Variants in BTRC observed in about 807,000 individuals in gnomAD.
BTRC encodes beta-transducin repeat containing E3 ubiquitin protein ligase, also known as F-box/WD repeat-containing protein 1A.
A neutral mutation model predicts 85.5 loss-of-function variants in BTRC; 42 were observed. The ratio of observed to expected loss-of-function variants is 0.49; its 90% CI spans 0.38 to 0.64. The LOEUF (loss-of-function observed/expected upper bound fraction) is 0.64, where lower values mean the gene tolerates loss of function less well. Among genes scored for constraint, BTRC ranks in the 30% least tolerant of loss-of-function variants. The pLI is 0.00. For missense variants in BTRC, 594 were observed against 743.5 expected, an observed-to-expected ratio of 0.80 and a Z score of 2.34; for synonymous variants, 255 against 263.3, an observed-to-expected ratio of 0.97 and a Z score of 0.30.
chr10:101,423,969 C>G (rs1055131002), intron 1 of BTRC, among the ~76,000 whole-genome samples: 1 of 152,146 alleles, frequency 6.6e-6, no homozygotes, highest in Non-Finnish European at 1.5e-5. Flanking sequence ...GTGGCTCGTG[C>G]CTGTAATCCC....
chr10:101,451,984 G>A (rs1047279320), intron 2 of BTRC, among the ~76,000 whole-genome samples: 1 of 152,120 alleles, frequency 6.6e-6, no homozygotes, highest in Non-Finnish European at 1.5e-5. Flanking sequence ...GAGTTGTCAC[G>A]AGTTCATAAA....
chr10:101,546,342 A>G (rs2134462629), intron 13 of BTRC, among the ~76,000 whole-genome samples: 1 of 152,386 alleles, frequency 6.6e-6, no homozygotes, highest in East Asian at 1.9e-4. Flanking sequence ...TGTGGAGATT[A>G]AACAACACAC....
rs186087037 is a variant in BTRC, at chr10:101,388,044, G to A, written c.48+33816G>A. Among the ~76,000 whole-genome samples, 124 of 152,202 alleles carry A rather than the reference G, an allele frequency of 8.1e-4. No homozygotes were observed. The South Asian group carries it at 0.017, about 21-fold the overall frequency. The stretch of plus-strand genomic sequence containing the variant: ...GTTCAAAAGCAACAAATATCTAAAG[G>A]CAAAAATATACTAAACCTATTGGGA... On this transcript the variant is annotated intron_variant, in intron 1 of 14. Coordinates refer to ENST00000370187, the MANE Select transcript of BTRC (RefSeq NM_033637.4).
chr10:101,465,587 T>A (rs12242432), intron 3 of BTRC, among the ~76,000 whole-genome samples: 1 of 152,144 alleles, frequency 6.6e-6, no homozygotes, highest in South Asian at 2.1e-4. Context: ...TCAACAAATA[T>A]TTAAGGAAGA....
At chr10:101,417,197 C>G (rs1943969051) in intron 1 of BTRC, among the ~76,000 whole-genome samples, 1 of 152,150 alleles carries the variant, frequency 6.6e-6, no homozygotes, top group African/African-American at 2.4e-5. Context: ...TCAAGTTTCT[C>G]TAGTAATCTC....
chr10:101,442,262 A>ATCTCTCTCTCTCTCTCTCTCTCTCTC (rs10531761), intron 2 of BTRC, among the ~76,000 whole-genome samples: 45 of 129,546 alleles, frequency 3.5e-4, no homozygotes, highest in Admixed American at 8.8e-4. Context: ...TTGAATTAGA[A>ATCTCTCTCTCTCTCTCTCTCTCTCTC]TCTCTCTCTC....
rs1045324 is a variant in BTRC, at chr10:101,553,863, A to G, written c.*740A>G. The stretch of plus-strand genomic sequence containing the variant: ...TGTACGAAGAGAGTGTCCTCCTCTC[A>G]CATGAGCCAGATCAGCCAGAAAATG... On this transcript the variant is annotated 3_prime_UTR_variant, in exon 15 of 15. Coordinates refer to ENST00000370187, the MANE Select transcript of BTRC (RefSeq NM_033637.4). 96,046 of 152,550 alleles carry G rather than the reference A, an allele frequency of 0.63. 31,415 individuals carry two copies. The highest frequency in any genetic ancestry group is 0.85 in the East Asian group (4,389 of 5,172). 9.4% of individuals were successfully genotyped at this position (152,550 alleles called of 1,614,324 possible).
chr10:101,440,427 A>C (rs1944650120), intron 2 of BTRC, among the ~76,000 whole-genome samples: 1 of 152,172 alleles, frequency 6.6e-6, no homozygotes, highest in East Asian at 1.9e-4. Context: ...TTTGTATTGA[A>C]AGTTCCTCAA....
chr10:101,384,676 A>G, intron 1 of BTRC, among the ~76,000 whole-genome samples: 1 of 152,208 alleles, frequency 6.6e-6, no homozygotes, highest in African/African-American at 2.4e-5. Context: ...AAAGAGTGAG[A>G]TCTTATTTTC....
intron 2 of BTRC, among the ~76,000 whole-genome samples, chr10:101,440,607 A>G (rs544092643): frequency 6.6e-6 from 1 of 152,278 alleles, no homozygotes; most frequent in East Asian, 1.9e-4. Context: ...CTGTGGTCCC[A>G]GCTACTCGGG....
chr10:101,535,534 C>A, intron 11 of BTRC, 62 bp downstream of exon 11: 1 of 1,138,756 alleles, frequency 8.8e-7, no homozygotes. Flanking sequence ...ATTATTAATG[C>A]ACAGATCATA....
intron 1 of BTRC, among the ~76,000 whole-genome samples, chr10:101,423,767 C>A (rs1487414112): frequency 1.3e-5 from 2 of 152,130 alleles, no homozygotes; most frequent in Non-Finnish European, 2.9e-5. Flanking sequence ...ACAGTTTATT[C>A]CCGGTAAACT....
chr10:101,424,573 A>G lies in BTRC; in HGVS notation c.49-5772A>G, dbSNP rs569759971. On this transcript the variant is annotated intron_variant, in intron 1 of 14. Coordinates refer to ENST00000370187, the MANE Select transcript of BTRC (RefSeq NM_033637.4). ...TAGAAGTTGACCAACAGGGACCTTA[A>G]TTTAGGAGATTTTGTCATTCAGCTT... 3.9e-5 allele frequency among the ~76,000 whole-genome samples: 6 copies of G among 152,314 alleles called. No individual in the cohort carries two copies. The South Asian group carries it at 1.2e-3, about 32-fold the overall frequency.
chr10:101,410,532 T>C (rs962941842), intron 1 of BTRC, among the ~76,000 whole-genome samples: 2 of 151,976 alleles, frequency 1.3e-5, no homozygotes, highest in Non-Finnish European at 2.9e-5. Flanking sequence ...GAGAATTGCT[T>C]GAATCTGGGA....
At chr10:101,528,787 G>T (rs2062237846) in intron 6 of BTRC, among the ~76,000 whole-genome samples, 1 of 152,038 alleles carries the variant, frequency 6.6e-6, no homozygotes, top group South Asian at 2.1e-4. Flanking sequence ...GTCTTTCTGT[G>T]TTATACTTTT....
At chr10:101,534,945 G>A in intron 10 of BTRC, 35 bp downstream of exon 10, 4 of 1,593,906 alleles carry the variant, frequency 2.5e-6, no homozygotes, top group Non-Finnish European at 3.4e-6. Flanking sequence ...TTCCAACTTA[G>A]AATGGGGGAA....
At chr10:101,365,119 G>C (rs950193142) in intron 1 of BTRC, 1 of 151,288 alleles carries the variant, frequency 6.6e-6, no homozygotes, top group Non-Finnish European at 1.5e-5. Flanking sequence ...TGGTGCCCAG[G>C]CTGGAATACA....
intron 4 of BTRC, among the ~76,000 whole-genome samples, chr10:101,481,765 C>G (rs1168503329): frequency 6.6e-6 from 1 of 152,138 alleles, no homozygotes; most frequent in Non-Finnish European, 1.5e-5. Flanking sequence ...CTTATTTTAA[C>G]ATTATTCTGA....
chr10:101,408,545 G>A (rs117728343), intron 1 of BTRC, among the ~76,000 whole-genome samples: 4 of 152,028 alleles, frequency 2.6e-5, no homozygotes, highest in Non-Finnish European at 5.9e-5. Context: ...GGACGCAAGC[G>A]ATCTGCCACC....
Sources: gnomAD v4.1 joint callset for allele counts (sites outside exome capture counted in the v4.1 genomes callset) on GRCh38, gnomAD v4.1.1 for gene constraint, MANE v1.5 for transcripts, NCBI Gene and HGNC (gene_info 2026-07-23, HGNC 2026-07-21) for gene names.